MYH9: variants seen among roughly 807,000 people sequenced by gnomAD.
MYH9 encodes myosin heavy chain 9, also known as myosin-9.
In MYH9, 29 loss-of-function variants were observed where a neutral mutation model predicts 241.9. That is an observed-to-expected ratio of 0.12 (90% CI 0.09 to 0.16). The LOEUF is 0.16. Among genes scored for constraint, MYH9 ranks in the 10% least tolerant of loss-of-function variants. The pLI is 1.00. For missense variants in MYH9, 1,803 were observed against 2,595.5 expected (o/e 0.69, Z 6.63); for synonymous variants, 1,047 against 1,062.6 (o/e 0.99, Z 0.29).
intron 1 of MYH9, among the ~76,000 whole-genome samples, chr22:36,349,594 G>T (rs779696883): frequency 6.6e-6 from 1 of 152,134 alleles, no homozygotes; most frequent in Non-Finnish European, 1.5e-5. Flanking sequence ...ACCAGGCGTG[G>T]TGGTGCACAC....
chr22:36,387,708 T>C (rs921141627), intron 1 of MYH9, 99 bp downstream of exon 1: 4 of 151,344 alleles, frequency 2.6e-5, no homozygotes, highest in African/African-American at 9.7e-5. Context: ...CGGGCCGCAC[T>C]GAGCCCAAGA....
At chr22:36,294,786 C>T in intron 27 of MYH9, 146 bp downstream of exon 27, 2 of 1,059,368 alleles carry the variant, frequency 1.9e-6, no homozygotes, top group South Asian at 1.4e-5. Context: ...AGGCACGAGT[C>T]ACAAAGCCCC....
At chr22:36,379,890 A>C (rs142793472) in intron 1 of MYH9, among the ~76,000 whole-genome samples, 9 of 152,300 alleles carry the variant, frequency 5.9e-5, no homozygotes, top group Admixed American at 5.9e-4. Context: ...CAGGCTCGAG[A>C]AGCTAATCGT....
intron 1 of MYH9, among the ~76,000 whole-genome samples, chr22:36,379,830 G>A (rs1281356632): frequency 6.6e-6 from 1 of 152,228 alleles, no homozygotes; most frequent in Non-Finnish European, 1.5e-5. Context: ...CGCTTGGCGG[G>A]CTAGCTAAGG....
In MYH9 at chr22:36,281,649, A is replaced by C. The variant is rs112039601; in HGVS notation, c.*1019T>G. On this transcript the variant is annotated 3_prime_UTR_variant, in exon 41 of 41. Coordinates refer to ENST00000216181, the MANE Select transcript of MYH9 (RefSeq NM_002473.6). Reference sequence around the variant, plus strand: ...AACAAAGGCAGTGAGAAAGACTCGGAATTTTATCATTTATTACAAGAAAGG... The same window carrying C: ...AACAAAGGCAGTGAGAAAGACTCGGCATTTTATCATTTATTACAAGAAAGG... 13 of 230,486 alleles carry C rather than the reference A, an allele frequency of 5.6e-5. No homozygotes were observed. The highest frequency in any genetic ancestry group is 8.9e-5 in the African/African-American group (4 of 45,190). 14.3% of individuals were successfully genotyped at this position (230,486 alleles called of 1,614,324 possible).
In MYH9 at chr22:36,295,057, C is replaced by A; in HGVS notation, c.3505G>T (p.Val1169Leu). ...QELRSKREQE[V>L]NILKKTLEEE... is the part of the protein sequence containing the mutation. Reference sequence around the variant, plus strand: ...TCCAGGGTCTTCTTCAGGATGTTCACCTCCTGCTCACGTTTTGACCTGGAC... The same window carrying A: ...TCCAGGGTCTTCTTCAGGATGTTCAACTCCTGCTCACGTTTTGACCTGGAC... The change falls in exon 27 of 41, where the codon GTG becomes TTG. Residue 1169 changes from valine (V) to leucine (L), a missense_variant. Physicochemically the swap from Val to Leu is conservative, Grantham distance 32. This residue lies in a region of MYH9 where 876 missense variants were observed against 1,077.8 expected (regional missense o/e 0.81). Coordinates refer to ENST00000216181, the MANE Select transcript of MYH9 (RefSeq NM_002473.6). The surrounding 1 kb of genome is among the most constrained non-coding windows in gnomAD (Gnocchi z 4.1). 1 of 1,614,174 alleles carries A rather than the reference C, an allele frequency of 6.2e-7. No individual in the cohort carries two copies.
intron 3 of MYH9, among the ~76,000 whole-genome samples, chr22:36,336,167 A>G (rs751922370): frequency 1.3e-5 from 2 of 152,220 alleles, no homozygotes; most frequent in African/African-American, 4.8e-5. Flanking sequence ...TATTAATACC[A>G]TAAAGTCACT....
At chr22:36,356,093 C>T (rs546861450) in intron 1 of MYH9, among the ~76,000 whole-genome samples, 1 of 152,312 alleles carries the variant, frequency 6.6e-6, no homozygotes, top group African/African-American at 2.4e-5. Flanking sequence ...GACACCCCAG[C>T]GGCCTCAGCC....
intron 1 of MYH9, among the ~76,000 whole-genome samples, chr22:36,382,143 A>C (rs2018266400): frequency 6.6e-6 from 1 of 152,026 alleles, no homozygotes; most frequent in African/African-American, 2.4e-5. Context: ...CGACCTTCTA[A>C]AAAGAGGGTT....
rs755180891 is a variant in MYH9, at chr22:36,329,515, G to C, written c.491-2027C>G. On this transcript the variant is annotated intron_variant, in intron 3 of 40. Transcript: ENST00000216181. This position sits in a 1 kb window ranked among gnomAD's most constrained non-coding sequence, Gnocchi z 4.1. The stretch of plus-strand genomic sequence containing the variant: ...CTGCGTCTCCCTGTGGTCTGCCCCA[G>C]CTGTGGGCATGTTTAGTCACCGGCT... Among the ~76,000 whole-genome samples, 1 of 152,200 alleles carries C rather than the reference G, an allele frequency of 6.6e-6. No homozygotes were observed. The highest frequency in any genetic ancestry group is 1.5e-5 in the Non-Finnish European group (1 of 68,026).
chr22:36,282,634 C>T lies in MYH9; in HGVS notation c.*34G>A, dbSNP rs751367895. The T allele has an allele frequency of 6.3e-7, 1 of 1,593,698 alleles. No homozygotes were observed. Among genetic ancestry groups the T allele is most frequent in the African/African-American group, 1.3e-5 (1 of 74,526 alleles). ...GGGAAGGGGAGGCTGTGGTGTCTGT[C>T]TGTCCATCCATCTCAGGCTGCAGGA... is the stretch of plus-strand genomic sequence containing the variant. On this transcript the variant is annotated 3_prime_UTR_variant, in exon 41 of 41. Coordinates refer to ENST00000216181, the MANE Select transcript of MYH9 (RefSeq NM_002473.6).
In MYH9 at chr22:36,303,634, A is replaced by G. The variant is rs533502915; in HGVS notation, c.2390+361T>C. Among the ~76,000 whole-genome samples, 64 of 152,004 alleles carry G rather than the reference A, an allele frequency of 4.2e-4. No homozygotes were observed. In the South Asian group the frequency reaches 0.013, roughly 30 times the overall value. On this transcript the variant is annotated intron_variant, in intron 19 of 40. Transcript: ENST00000216181. ...CCCCGTCTCTACTAAAAATACAAAA[A>G]TTAGCTGGGCGTGGTGGCGTGCACC...
intron 3 of MYH9, among the ~76,000 whole-genome samples, chr22:36,339,784 C>A (rs2017554714): frequency 6.6e-6 from 1 of 152,140 alleles, no homozygotes; most frequent in African/African-American, 2.4e-5. Flanking sequence ...CACGGCCCTG[C>A]CTGAAAATTG....
chr22:36,349,597 G>A (rs1250609239), intron 1 of MYH9, among the ~76,000 whole-genome samples: 5 of 152,132 alleles, frequency 3.3e-5, no homozygotes, highest in Admixed American at 2.0e-4. Flanking sequence ...AGGCGTGGTG[G>A]TGCACACCTG....
chr22:36,286,187 G>A (rs1434156435), intron 35 of MYH9: 5 of 611,748 alleles, frequency 8.2e-6, no homozygotes, highest in Non-Finnish European at 1.2e-5. Context: ...CAGGTGCCAG[G>A]GTATGGCGAT....
chr22:36,385,492 G>A (rs1158982570), intron 1 of MYH9, among the ~76,000 whole-genome samples: 1 of 152,142 alleles, frequency 6.6e-6, no homozygotes, highest in Non-Finnish European at 1.5e-5. Context: ...GCAAAAGGCA[G>A]GCTGTGATTA....
chr22:36,306,160 T>A lies in MYH9; in HGVS notation c.2038-109A>T. 2 of 1,550,872 alleles carry A rather than the reference T, an allele frequency of 1.3e-6. No homozygotes were observed. The highest frequency in any genetic ancestry group is 1.8e-6 in the Non-Finnish European group (2 of 1,137,670). On this transcript the variant is annotated intron_variant, in intron 16 of 40. Transcript: ENST00000216181. This position sits in a 1 kb window ranked among gnomAD's most constrained non-coding sequence, Gnocchi z 4.1. ...CAGGGCAAGAGCCTAAGGGAGGGGG[T>A]CGCTACAGCCCACAGGTTTGGACAA...
intron 1 of MYH9, among the ~76,000 whole-genome samples, chr22:36,367,196 T>C (rs2018024130): frequency 6.6e-6 from 1 of 152,036 alleles, no homozygotes; most frequent in Non-Finnish European, 1.5e-5. Flanking sequence ...TTCGTCACCC[T>C]CCGGAGGGTT....
At position 36,305,202 on chromosome 22, in the gene MYH9, GAC is replaced by G; in HGVS notation, c.2160-102_2160-101del. On this transcript the variant is annotated intron_variant, in intron 17 of 40. Transcript: ENST00000216181. The surrounding 1 kb of genome is among the most constrained non-coding windows in gnomAD (Gnocchi z 4.7). ...TTAACATCATTTCTACAATGCAACA[GAC>G]ACAGAATTCTTTACACAAACTCTCC... 1.9e-6 allele frequency: 2 copies of G among 1,055,732 alleles called. No homozygotes were observed. Among genetic ancestry groups the G allele is most frequent in the Non-Finnish European group, 2.9e-6 (2 of 684,808 alleles). 65.4% of individuals were successfully genotyped at this position (1,055,732 alleles called of 1,614,324 possible).
Sources: gnomAD v4.1 joint callset for allele counts (sites outside exome capture counted in the v4.1 genomes callset) on GRCh38, gnomAD v4.1.1 for gene constraint, gnomAD v4.1.1 regional missense constraint, Gnocchi (gnomAD v3.1) non-coding constraint, MANE v1.5 for transcripts, NCBI Gene and HGNC (gene_info 2026-07-23, HGNC 2026-07-21) for gene names.